The following PCDHA6 variants were observed in gnomAD, a reference collection of about 807,000 sequenced individuals.
PCDHA6 encodes the protein protocadherin alpha 6.
In PCDHA6, 55 loss-of-function variants were observed where a neutral mutation model predicts 60.3. The ratio of observed to expected loss-of-function variants is 0.91; its 90% CI spans 0.73 to 1.14. PCDHA6 has a LOEUF of 1.14. PCDHA6 is among the 50% of genes most tolerant of loss of function. The probability of loss-of-function intolerance (pLI) is 0.00; values close to 1 mark genes in which losing one functional copy is unlikely to be tolerated. For synonymous variants in PCDHA6, 652 were observed against 557.9 expected, an observed-to-expected ratio of 1.17 and a Z score of -2.38; for missense variants, 1,327 against 1,256.5, an observed-to-expected ratio of 1.06 and a Z score of -0.85.
chr5:140,927,682 T>C, intron 1 of PCDHA6: 1 of 1,613,992 alleles, frequency 6.2e-7, no homozygotes, highest in Non-Finnish European at 8.5e-7. Flanking sequence ...AGATGAAGGG[T>C]CCAATGGGGA....
At chr5:140,842,541 T>A in intron 1 of PCDHA6, 1 of 1,609,746 alleles carries the variant, frequency 6.2e-7, no homozygotes. Context: ...TACTACTCGT[T>A]GGTGCTGGAC....
intron 1 of PCDHA6, among the ~76,000 whole-genome samples, chr5:140,880,485 G>T (rs957327401): frequency 6.6e-6 from 1 of 152,190 alleles, no homozygotes; most frequent in Non-Finnish European, 1.5e-5. Flanking sequence ...GACACAAGAA[G>T]AGAGCAATTG....
chr5:140,862,944 T>C (rs1554157274), intron 1 of PCDHA6: 3 of 542,156 alleles, frequency 5.5e-6, no homozygotes, highest in Admixed American at 3.9e-5. Flanking sequence ...GTGAGTGAGC[T>C]GGTGCGGTAT....
chr5:140,890,732 TTA>T (rs2062774217), intron 1 of PCDHA6, among the ~76,000 whole-genome samples: 1 of 152,238 alleles, frequency 6.6e-6, no homozygotes, highest in Admixed American at 6.5e-5. Context: ...CCCTTTTGAC[TTA>T]TATACTATTT....
At chr5:140,992,533 C>T (rs1292844643) in intron 3 of PCDHA6, among the ~76,000 whole-genome samples, 1 of 152,188 alleles carries the variant, frequency 6.6e-6, no homozygotes, top group Non-Finnish European at 1.5e-5. Context: ...GGAAAAGTCA[C>T]TGTCACAAGT....
chr5:140,890,190 A>C (rs1213958471), intron 1 of PCDHA6, among the ~76,000 whole-genome samples: 3 of 152,084 alleles, frequency 2.0e-5, no homozygotes, highest in Middle Eastern at 3.2e-3. Flanking sequence ...TACAAAACAG[A>C]GTTTTTTGTT....
At chr5:140,919,488 T>C (rs149191060) in intron 1 of PCDHA6, among the ~76,000 whole-genome samples, 58 of 152,320 alleles carry the variant, frequency 3.8e-4, no homozygotes, top group African/African-American at 1.3e-3. Context: ...TTTATGTTTG[T>C]TATTTTACTC....
chr5:140,983,399 G>C (rs1486206101), intron 3 of PCDHA6, among the ~76,000 whole-genome samples: 1 of 152,148 alleles, frequency 6.6e-6, no homozygotes, highest in East Asian at 1.9e-4. Context: ...TTTCAGAAAG[G>C]GAAGATTAAG....
In PCDHA6 at chr5:140,884,236, G is replaced by A. The variant is rs368136155; in HGVS notation, c.2394+53751G>A. ...TGGTGCTGGTGAAGGACCACGGTGAGCCCGCGCTGACGGCCACGGCAACGG... is the reference window on the plus strand; with the variant it reads ...TGGTGCTGGTGAAGGACCACGGTGAACCCGCGCTGACGGCCACGGCAACGG... On this transcript the variant is annotated intron_variant, in intron 1 of 3. Transcript: ENST00000529310. 11 of 1,613,334 alleles carry A rather than the reference G, an allele frequency of 6.8e-6. No homozygotes were observed. The African/African-American group carries it at 1.2e-4, about 18-fold the overall frequency.
At chr5:140,858,533 T>C in intron 1 of PCDHA6, 4 of 1,397,322 alleles carry the variant, frequency 2.9e-6, no homozygotes, top group Non-Finnish European at 4.0e-6. Context: ...TTCATTTTTG[T>C]CTACATTCCA....
chr5:140,858,599 T>C (rs2045504873), intron 1 of PCDHA6: 1 of 1,295,538 alleles, frequency 7.7e-7, no homozygotes, highest in Non-Finnish European at 1.1e-6. Flanking sequence ...TCCAGGAGTT[T>C]TAAAATTTTT....
intron 1 of PCDHA6, among the ~76,000 whole-genome samples, chr5:140,941,202 C>CTTTCTTTCTTTCTTTCTTTCTTT (rs1554213921): frequency 9.0e-5 from 11 of 122,780 alleles, no homozygotes; most frequent in East Asian, 8.9e-4. Flanking sequence ...TTTCTTTCTT[C>CTTTCTTTCTTTCTTTCTTTCTTT]CTTTCTTTCT....
intron 3 of PCDHA6, among the ~76,000 whole-genome samples, chr5:140,993,515 G>T (rs1351377291): frequency 6.7e-6 from 1 of 149,364 alleles, no homozygotes; most frequent in East Asian, 1.9e-4. Context: ...CACACGGGGA[G>T]AGAGAGACAG....
At chr5:140,894,133 A>G (rs782349927) in intron 1 of PCDHA6, among the ~76,000 whole-genome samples, 14 of 152,166 alleles carry the variant, frequency 9.2e-5, no homozygotes, top group Non-Finnish European at 1.8e-4. Flanking sequence ...ATAACTTGAA[A>G]TAATTCCCTT....
rs201793837 is a variant in PCDHA6 at position 141,003,710 on chromosome 5, A to G, written c.2543-5917A>G. Among the ~76,000 whole-genome samples, 7 of 152,316 alleles carry G rather than the reference A, an allele frequency of 4.6e-5. No homozygotes were observed. The East Asian group carries it at 1.2e-3, about 25-fold the overall frequency. On this transcript the variant is annotated intron_variant, in intron 3 of 3. Transcript: ENST00000529310. ...AAATATATCCCTACCAATTGTGAAG[A>G]TATCGGCTAATCCAATAAAAAAGCA... is the stretch of plus-strand genomic sequence containing the variant.
At chr5:140,917,906 G>C (rs1334892378) in intron 1 of PCDHA6, among the ~76,000 whole-genome samples, 1 of 151,938 alleles carries the variant, frequency 6.6e-6, no homozygotes, top group East Asian at 1.9e-4. Flanking sequence ...TGTTAGGATA[G>C]TTTGTTTTTC....
chr5:140,931,838 C>G (rs572437091), intron 1 of PCDHA6, among the ~76,000 whole-genome samples: 4 of 151,894 alleles, frequency 2.6e-5, no homozygotes, highest in African/African-American at 9.6e-5. Context: ...ATCCTGAATG[C>G]CTTAATAACA....
At chr5:140,901,982 A>G (rs1250710466) in intron 1 of PCDHA6, among the ~76,000 whole-genome samples, 2 of 151,818 alleles carry the variant, frequency 1.3e-5, no homozygotes, top group Non-Finnish European at 1.5e-5. Flanking sequence ...TTACTTTTTA[A>G]TTTCATTTTC....
chr5:140,941,248 T>TTTCTTTCC (rs1563187616), intron 1 of PCDHA6, among the ~76,000 whole-genome samples: 1 of 141,492 alleles, frequency 7.1e-6, no homozygotes, highest in African/African-American at 2.6e-5. Context: ...TCTTTCTTTC[T>TTTCTTTCC]TTCTTTCTCT....
Sources: gnomAD v4.1 joint callset for allele counts (sites outside exome capture counted in the v4.1 genomes callset) on GRCh38, gnomAD v4.1.1 for gene constraint, MANE v1.5 for transcripts, NCBI Gene and HGNC (gene_info 2026-07-23, HGNC 2026-07-21) for gene names.